The following HDAC9 variants were observed in gnomAD, a reference collection of about 807,000 sequenced individuals.
HDAC9 encodes histone deacetylase 9, also known as MEF-2 interacting transcription repressor (MITR) protein.
A neutral mutation model predicts 139.4 loss-of-function variants in HDAC9; 41 were observed. The ratio of observed to expected loss-of-function variants is 0.29; its 90% CI spans 0.23 to 0.38. The LOEUF is 0.38. HDAC9 is among the 10% of genes least tolerant of loss of function. HDAC9 has a pLI of 1.00. For missense variants in HDAC9, 1,147 were observed against 1,297.0 expected, an observed-to-expected ratio of 0.88 and a Z score of 1.78; for synonymous variants, 517 against 476.2, an observed-to-expected ratio of 1.09 and a Z score of -1.12.
At chr7:18,866,988 A>G (rs1423958516) in intron 21 of HDAC9, among the ~76,000 whole-genome samples, 1 of 152,338 alleles carries the variant, frequency 6.6e-6, no homozygotes, top group African/African-American at 2.4e-5. Flanking sequence ...TCCAAATCTC[A>G]TGGAAAGAAA....
At chr7:18,324,065 C>T (rs1223737084) in intron 1 of HDAC9, among the ~76,000 whole-genome samples, 1 of 151,870 alleles carries the variant, frequency 6.6e-6, no homozygotes, top group South Asian at 2.1e-4. Flanking sequence ...TCCAAAAGCC[C>T]CACGTCCAAA....
chr7:18,322,301 G>A (rs1307494344), intron 1 of HDAC9, among the ~76,000 whole-genome samples: 1 of 152,024 alleles, frequency 6.6e-6, no homozygotes, highest in Non-Finnish European at 1.5e-5. Context: ...ACAAACTTTG[G>A]GCATAAGAGA....
chr7:18,864,956 TAAA>T (rs890849324), intron 21 of HDAC9, among the ~76,000 whole-genome samples: 3 of 152,114 alleles, frequency 2.0e-5, no homozygotes, highest in Non-Finnish European at 4.4e-5. Flanking sequence ...TTTTAGTTGT[TAAA>T]AAAAATCCCT....
chr7:18,169,013 C>T (rs993736332), intron 2 of HDAC9, among the ~76,000 whole-genome samples: 3 of 150,946 alleles, frequency 2.0e-5, no homozygotes, highest in African/African-American at 7.3e-5. Context: ...TCTTGGCTCA[C>T]TGCAACCTCC....
At chr7:18,492,916 A>C (rs112492458), upstream of HDAC9, among the ~76,000 whole-genome samples, 2,228 of 152,036 alleles carry the variant, frequency 0.015, 58 homozygotes, top group African/African-American at 0.051. Flanking sequence ...ATGTCTTTTC[A>C]CTCTAAAATA....
rs528130570 is a variant in HDAC9 at position 18,742,044 on chromosome 7, TGCAGTGGGCATTG to T, written c.1910-6960_1910-6948del. Among the ~76,000 whole-genome samples, 25 of 152,332 alleles carry T rather than the reference TGCAGTGGGCATTG, an allele frequency of 1.6e-4. No individual in the cohort carries two copies. The South Asian group carries it at 3.3e-3, about 20-fold the overall frequency. On this transcript the variant is annotated intron_variant, in intron 13 of 25. Coordinates refer to ENST00000686413, the MANE Select transcript of HDAC9 (RefSeq NM_178425.4). The stretch of plus-strand genomic sequence containing the variant: ...GGATGGAGTGTACTCCTGGTGAAGA[TGCAGTGGGCATTG>T]TTGAAATGACGAGAAAGGATTTAGA...
At chr7:18,650,674 G>T in intron 11 of HDAC9, among the ~76,000 whole-genome samples, 1 of 152,156 alleles carries the variant, frequency 6.6e-6, no homozygotes, top group Non-Finnish European at 1.5e-5. Flanking sequence ...TTTCCCATGT[G>T]GAGCTGATTC....
At chr7:18,528,859 T>C (rs915927848) in intron 2 of HDAC9, among the ~76,000 whole-genome samples, 6 of 152,176 alleles carry the variant, frequency 3.9e-5, no homozygotes, top group Non-Finnish European at 5.9e-5. Flanking sequence ...AACAATTTCC[T>C]GCCCAGTCTA....
chr7:18,093,111 C>G (rs544848862), intron 1 of HDAC9, among the ~76,000 whole-genome samples: 11 of 152,320 alleles, frequency 7.2e-5, no homozygotes, highest in African/African-American at 2.6e-4. Context: ...TGAACACACC[C>G]TGTGCTCTAA....
chr7:18,423,294 A>AT (rs1373689367), intron 1 of HDAC9, among the ~76,000 whole-genome samples: 1 of 152,170 alleles, frequency 6.6e-6, no homozygotes, highest in Non-Finnish European at 1.5e-5. Context: ...AACCATAGAT[A>AT]TTTTTTATTT....
intron 2 of HDAC9, among the ~76,000 whole-genome samples, chr7:18,241,591 T>G (rs1482861048): frequency 6.6e-6 from 1 of 152,170 alleles, no homozygotes; most frequent in African/African-American, 2.4e-5. Flanking sequence ...TTATTAATGA[T>G]TTAAAAGTCC....
chr7:18,762,485 G>A (rs1260995577), intron 15 of HDAC9, among the ~76,000 whole-genome samples: 1 of 149,716 alleles, frequency 6.7e-6, no homozygotes, highest in East Asian at 2.1e-4. Flanking sequence ...AGGTTCCATG[G>A]TGTTTACTTT....
At chr7:18,100,100 G>T (rs979062415) in intron 1 of HDAC9, among the ~76,000 whole-genome samples, 6 of 151,820 alleles carry the variant, frequency 4.0e-5, no homozygotes, top group African/African-American at 1.5e-4. Context: ...TAGAATTCTA[G>T]GTCAGTTTTT....
At chr7:18,304,461 ATTC>A (rs897022574) in intron 1 of HDAC9, among the ~76,000 whole-genome samples, 29 of 152,312 alleles carry the variant, frequency 1.9e-4, no homozygotes, top group African/African-American at 7.0e-4. Context: ...AGTATTATTA[ATTC>A]TTAGCAAGCA....
chr7:18,856,784 A>T (rs116567212), intron 21 of HDAC9, among the ~76,000 whole-genome samples: 1,977 of 152,266 alleles, frequency 0.013, 41 homozygotes, highest in African/African-American at 0.045. Flanking sequence ...TGAACAATAC[A>T]ATCAAATGTA....
intron 2 of HDAC9, among the ~76,000 whole-genome samples, chr7:18,209,120 G>A (rs771544727): frequency 5.9e-5 from 9 of 152,084 alleles, no homozygotes; most frequent in Non-Finnish European, 1.3e-4. Context: ...AACCACTGTA[G>A]GCATAGACAT....
At chr7:18,642,054 C>T (rs1000328880) in intron 8 of HDAC9, among the ~76,000 whole-genome samples, 2 of 152,076 alleles carry the variant, frequency 1.3e-5, no homozygotes, top group Non-Finnish European at 2.9e-5. Flanking sequence ...ATGCCTGTTT[C>T]CTTATCTGTA....
At chr7:18,506,514 G>A (rs1318769409) in intron 2 of HDAC9, among the ~76,000 whole-genome samples, 1 of 151,516 alleles carries the variant, frequency 6.6e-6, no homozygotes, top group Non-Finnish European at 1.5e-5. Flanking sequence ...TATTGAAAGT[G>A]TATATATATC....
At chr7:18,642,307 G>T (rs1188939675) in intron 8 of HDAC9, among the ~76,000 whole-genome samples, 1 of 152,046 alleles carries the variant, frequency 6.6e-6, no homozygotes, top group African/African-American at 2.4e-5. Context: ...CCTGCCATGA[G>T]CTTCAGAGCC....
Sources: allele counts gnomAD v4.1 joint callset (sites outside exome capture counted in the v4.1 genomes callset), GRCh38; gene constraint gnomAD v4.1.1; transcripts MANE v1.5; gene names NCBI Gene and HGNC (gene_info 2026-07-23, HGNC 2026-07-21).